Variants in SLC45A4 observed in about 807,000 individuals in gnomAD.
SLC45A4 encodes the protein solute carrier family 45 member 4.
In SLC45A4, 32 loss-of-function variants were observed where a neutral mutation model predicts 63.7. The ratio of observed to expected loss-of-function variants is 0.50; its 90% CI spans 0.38 to 0.67. The LOEUF is 0.67. Ranked by LOEUF, SLC45A4 falls within the 30% of genes least tolerant of loss-of-function variation. SLC45A4 has a pLI of 0.00. For missense variants in SLC45A4, 1,027 were observed against 1,157.7 expected, an observed-to-expected ratio of 0.89 and a Z score of 1.64; for synonymous variants, 535 against 510.0, an observed-to-expected ratio of 1.05 and a Z score of -0.66.
chr8:141,236,413 C>T (rs1252136050), intron 2 of SLC45A4, among the ~76,000 whole-genome samples: 1 of 152,206 alleles, frequency 6.6e-6, no homozygotes, highest in Non-Finnish European at 1.5e-5. Flanking sequence ...ACTTCCAACT[C>T]AACATTTAAT....
At chr8:141,237,878 T>G (rs1167585768) in intron 2 of SLC45A4, among the ~76,000 whole-genome samples, 1 of 152,208 alleles carries the variant, frequency 6.6e-6, no homozygotes, top group Non-Finnish European at 1.5e-5. Context: ...CCGTAAGTAC[T>G]TGACGAAAGA....
intron 1 of SLC45A4, among the ~76,000 whole-genome samples, chr8:141,261,478 C>T (rs542658176): frequency 9.1e-4 from 138 of 152,008 alleles, no homozygotes; most frequent in Admixed American, 4.6e-3. Context: ...AAAACCCCAT[C>T]GTCTCAGCCC....
intron 1 of SLC45A4, among the ~76,000 whole-genome samples, chr8:141,289,010 C>A (rs1280718244): frequency 6.6e-6 from 1 of 152,130 alleles, no homozygotes; most frequent in Non-Finnish European, 1.5e-5. Context: ...AGGAAAGGAA[C>A]CCAGCTCCCA....
intron 1 of SLC45A4, among the ~76,000 whole-genome samples, chr8:141,299,484 G>T (rs1295370389): frequency 6.6e-6 from 1 of 152,182 alleles, no homozygotes; most frequent in African/African-American, 2.4e-5. Context: ...TGTCGTTCTC[G>T]CCACCAAATC....
intron 1 of SLC45A4, among the ~76,000 whole-genome samples, chr8:141,303,720 G>A (rs1440265393): frequency 6.6e-6 from 1 of 152,140 alleles, no homozygotes; most frequent in Non-Finnish European, 1.5e-5. Context: ...GGTTGGAAGG[G>A]ACTTTTCAAT....
chr8:141,220,646 C>T (rs951665382), intron 3 of SLC45A4, among the ~76,000 whole-genome samples: 5 of 152,248 alleles, frequency 3.3e-5, no homozygotes, highest in Admixed American at 6.5e-5. Flanking sequence ...CACACCTGTC[C>T]GTGGGAGGCG....
chr8:141,299,045 T>A (rs1830657218), intron 1 of SLC45A4, among the ~76,000 whole-genome samples: 1 of 152,172 alleles, frequency 6.6e-6, no homozygotes, highest in Admixed American at 6.5e-5. Context: ...CCGGCACGGA[T>A]GCAGATGCCG....
chr8:141,266,882 C>T (rs981033514), intron 1 of SLC45A4, among the ~76,000 whole-genome samples: 1 of 152,180 alleles, frequency 6.6e-6, no homozygotes, highest in Non-Finnish European at 1.5e-5. Context: ...CACAAATGTC[C>T]GCCATCACTC....
chr8:141,225,396 C>G (rs1237901333), intron 2 of SLC45A4: 1 of 152,240 alleles, frequency 6.6e-6, no homozygotes, highest in Non-Finnish European at 1.5e-5. Flanking sequence ...TTCAGCCACC[C>G]TGTGTTGCGT....
intron 2 of SLC45A4, among the ~76,000 whole-genome samples, chr8:141,237,113 T>C (rs1827667229): frequency 6.6e-6 from 1 of 152,202 alleles, no homozygotes; most frequent in Admixed American, 6.5e-5. Flanking sequence ...ATCTAGTAAG[T>C]TTGGAAATTG....
At chr8:141,222,044 C>T (rs1052306410) in intron 2 of SLC45A4, among the ~76,000 whole-genome samples, 1 of 152,244 alleles carries the variant, frequency 6.6e-6, no homozygotes, top group Non-Finnish European at 1.5e-5. Context: ...GCCTAAGGGG[C>T]AGCACACACT....
At chr8:141,249,489 C>T (rs934307666) in intron 2 of SLC45A4, among the ~76,000 whole-genome samples, 1 of 152,168 alleles carries the variant, frequency 6.6e-6, no homozygotes, top group Non-Finnish European at 1.5e-5. Context: ...TGTGTGATTC[C>T]AGTTACATCA....
rs1014227514 is a variant in SLC45A4 at position 141,227,058 on chromosome 8, T to C, written c.242-5293A>G. 3.3e-5 allele frequency: 5 copies of C among 152,378 alleles called. No individual in the cohort carries two copies. The highest frequency in any genetic ancestry group is 3.3e-4 in the Admixed American group (5 of 15,306). The allele number at this position is 152,378 out of a possible 1,614,324, so 9.4% of individuals were successfully genotyped here. A position where few individuals can be genotyped will look rare whatever the true frequency, so the allele number is the denominator to read the frequency against. ...CCCGTTCGTAGCAGGGGGCTGCCACTGGGACGGCTCTGACGGGGCATTTCC... is the reference window on the plus strand; with the variant it reads ...CCCGTTCGTAGCAGGGGGCTGCCACCGGGACGGCTCTGACGGGGCATTTCC... On this transcript the variant is annotated intron_variant, in intron 2 of 8. Coordinates refer to ENST00000517878, the MANE Select transcript of SLC45A4 (RefSeq NM_001286646.2). The surrounding 1 kb of genome is among the most constrained non-coding windows in gnomAD (Gnocchi z 4.4).
intron 2 of SLC45A4, among the ~76,000 whole-genome samples, chr8:141,230,904 C>A (rs1271446653): frequency 6.6e-6 from 1 of 152,202 alleles, no homozygotes; most frequent in African/African-American, 2.4e-5. Flanking sequence ...CCTGCCCCAC[C>A]CGGGGATCCA....
chr8:141,306,845 T>A (rs1441170911), intron 1 of SLC45A4, among the ~76,000 whole-genome samples: 1 of 152,126 alleles, frequency 6.6e-6, no homozygotes, highest in Non-Finnish European at 1.5e-5. Flanking sequence ...CCCACAAGAA[T>A]CATCTGACCC....
chr8:141,207,258 G>A lies in SLC45A4; in HGVS notation c.*4314C>T, dbSNP rs1367199400. On this transcript the variant is annotated 3_prime_UTR_variant, in exon 9 of 9. Coordinates refer to ENST00000517878, the MANE Select transcript of SLC45A4 (RefSeq NM_001286646.2). The stretch of plus-strand genomic sequence containing the variant: ...TTCTGTGTGCATGGAGGAAATCAGG[G>A]CGCCGCACAGCTGAACCCTGCGCAG... The A allele has an allele frequency of 1.3e-5, 2 of 152,356 alleles. No homozygotes were observed. The highest frequency in any genetic ancestry group is 4.8e-5 in the African/African-American group (2 of 41,446). The allele number at this position is 152,356 out of a possible 1,614,324, so 9.4% of individuals were successfully genotyped here.
chr8:141,254,644 A>C lies in SLC45A4; in HGVS notation c.-400-15T>G. The C allele has an allele frequency of 1.4e-6, 1 of 697,920 alleles. No individual in the cohort carries two copies. Among genetic ancestry groups the C allele is most frequent in the South Asian group, 1.5e-5 (1 of 67,012 alleles). 43.2% of individuals were successfully genotyped at this position (697,920 alleles called of 1,614,324 possible). ...GACTGGATGATCTGCAAAAGAGGAA[A>C]ACAACCCGGCCAGAGAGTCAGGGGA... is the stretch of plus-strand genomic sequence containing the variant. On this transcript the variant is annotated splice_polypyrimidine_tract_variant and intron_variant, in intron 1 of 8. Coordinates refer to ENST00000517878, the MANE Select transcript of SLC45A4 (RefSeq NM_001286646.2). This position sits in a 1 kb window ranked among gnomAD's most constrained non-coding sequence, Gnocchi z 4.5.
chr8:141,221,563 G>A lies in SLC45A4; in HGVS notation c.430+14C>T. On this transcript the variant is annotated intron_variant, in intron 3 of 8. Coordinates refer to ENST00000517878, the MANE Select transcript of SLC45A4 (RefSeq NM_001286646.2). ...CTGTGTTGTGAGGACACCAGGTGTG[G>A]CCGAGAAACTTACCGATGGCAGAGC... The A allele has an allele frequency of 1.9e-6, 3 of 1,609,314 alleles. No individual in the cohort carries two copies. The highest frequency in any genetic ancestry group is 2.5e-6 in the Non-Finnish European group (3 of 1,178,094).
Position 141,209,394 on chromosome 8 carries a change from T to C in SLC45A4, c.*2178A>G, listed in dbSNP as rs1825689430. On this transcript the variant is annotated 3_prime_UTR_variant, in exon 9 of 9. Coordinates refer to ENST00000517878, the MANE Select transcript of SLC45A4 (RefSeq NM_001286646.2). ...AAATAATCTCAGTGCAGGGGAGGGG[T>C]TGAGGCCAAAGATGTCGTGACCTGG... The C allele has an allele frequency of 6.6e-6, 1 of 152,028 alleles. No individual in the cohort carries two copies. Among genetic ancestry groups the C allele is most frequent in the Non-Finnish European group, 1.5e-5 (1 of 68,044 alleles). The allele number at this position is 152,028 out of a possible 1,614,324, so 9.4% of individuals were successfully genotyped here.
Sources: allele counts gnomAD v4.1 joint callset (sites outside exome capture counted in the v4.1 genomes callset), GRCh38; gene constraint gnomAD v4.1.1; non-coding constraint Gnocchi (gnomAD v3.1); transcripts MANE v1.5; gene names NCBI Gene and HGNC (gene_info 2026-07-23, HGNC 2026-07-21).